Variants in LMNB2 observed in about 807,000 individuals in gnomAD.
LMNB2 encodes lamin-B2.
A neutral mutation model predicts 69.3 loss-of-function variants in LMNB2; 17 were observed. The observed-to-expected ratio is 0.25, with a 90% CI of 0.17 to 0.37. The LOEUF (loss-of-function observed/expected upper bound fraction) is 0.37, where lower values mean the gene tolerates loss of function less well. Among genes scored for constraint, LMNB2 ranks in the 10% least tolerant of loss-of-function variants. The pLI, the probability that LMNB2 is intolerant of heterozygous loss-of-function variation, is 1.00. For synonymous variants in LMNB2, 397 were observed against 389.3 expected (o/e 1.02, Z -0.23); for missense variants, 789 against 883.6 (o/e 0.89, Z 1.36).
chr19:2,449,508 G>T (rs1306877184), intron 1 of LMNB2, among the ~76,000 whole-genome samples: 3 of 152,216 alleles, frequency 2.0e-5, no homozygotes, highest in Non-Finnish European at 4.4e-5. Context: ...GGCCCGGTGC[G>T]CTGGTGCATG....
At chr19:2,449,653 T>G (rs1387604314) in intron 1 of LMNB2, among the ~76,000 whole-genome samples, 6 of 151,600 alleles carry the variant, frequency 4.0e-5, no homozygotes, top group Admixed American at 6.6e-5. Context: ...GGTAGGCGCC[T>G]GTAATCCCAG....
intron 4 of LMNB2, 40 bp downstream of exon 4, chr19:2,438,123 T>C: frequency 6.2e-7 from 1 of 1,611,686 alleles, no homozygotes; most frequent in Non-Finnish European, 8.5e-7. Flanking sequence ...GGACTTTGCG[T>C]TTCCGCTGTG....
intron 1 of LMNB2, among the ~76,000 whole-genome samples, chr19:2,451,173 C>T (rs1348349134): frequency 1.3e-5 from 2 of 151,990 alleles, no homozygotes; most frequent in Non-Finnish European, 2.9e-5. Context: ...CGCCTGAATC[C>T]GGGAGGCAGA....
At chr19:2,434,945 C>T (rs769490757) in intron 5 of LMNB2, 32 bp from the exon 6 acceptor site, 53 of 1,578,816 alleles carry the variant, frequency 3.4e-5, no homozygotes, top group Admixed American at 8.9e-5. Flanking sequence ...AGTGCGGGCG[C>T]GGGGCGGGGC....
rs1440520057 is a variant in LMNB2, at chr19:2,434,322, C to T, written c.1175G>A (p.Arg392Gln). 15 of 1,612,936 alleles carry T rather than the reference C, an allele frequency of 9.3e-6. No individual in the cohort carries two copies. Among genetic ancestry groups the T allele is most frequent in the Admixed American group, 1.7e-5 (1 of 59,996 alleles). The stretch of plus-strand genomic sequence containing the variant: ...CTCCTCCTCGCCCTCCAGGAGCTTC[C>T]GGTAGGCGTTGATCTCCATGTCCAG... ...LALDMEINAYRKLLEGEEERL... is the reference protein window; with the variant it reads ...LALDMEINAYQKLLEGEEERL... Residue 392 changes from arginine to glutamine, a missense_variant, in exon 7 of 12, where the codon CGG becomes CAG. By Grantham distance (43) the Arg-to-Gln change is conservative (BLOSUM62 1). This residue lies in a region of LMNB2 where 609 missense variants were observed against 630.9 expected (regional missense o/e 0.97). Transcript: ENST00000325327.
chr19:2,438,600 G>A lies in LMNB2; in HGVS notation c.402-69C>T, dbSNP rs920526855. 65 of 1,559,842 alleles carry A rather than the reference G, an allele frequency of 4.2e-5. No homozygotes were observed. The African/African-American group carries it at 8.3e-4, about 20-fold the overall frequency. On this transcript the variant is annotated intron_variant, in intron 2 of 11. Transcript: ENST00000325327. ...TGGGGCCACAGGGAGCACCTCAGGGGGCGTCAGGCAAGCCCAAAGACAAGG... is the reference window on the plus strand; with the variant it reads ...TGGGGCCACAGGGAGCACCTCAGGGAGCGTCAGGCAAGCCCAAAGACAAGG...
intron 8 of LMNB2, 58 bp from the exon 9 acceptor site, chr19:2,432,581 T>A: frequency 7.1e-7 from 1 of 1,416,306 alleles, no homozygotes; most frequent in Non-Finnish European, 1.0e-6. Flanking sequence ...ACCGCCCCCA[T>A]CGCCCTGGCT....
At chr19:2,439,527 AAGTGTCCCCAGGAATCACCC>A (rs1971869574) in intron 2 of LMNB2, among the ~76,000 whole-genome samples, 1 of 152,060 alleles carries the variant, frequency 6.6e-6, no homozygotes, top group African/African-American at 2.4e-5. Flanking sequence ...TGACAACCAC[AAGTGTCCCCAGGAATCACCC>A]AGTGTCCCCT....
At chr19:2,431,356 T>C (rs549650102) in intron 11 of LMNB2, among the ~76,000 whole-genome samples, 192 bp downstream of exon 11, 1 of 152,224 alleles carries the variant, frequency 6.6e-6, no homozygotes, top group East Asian at 1.9e-4. Context: ...ATTCACACGA[T>C]GGGCACGACC....
At chr19:2,437,799 C>CAAAAAAA (rs59867677) in intron 4 of LMNB2, among the ~76,000 whole-genome samples, 1 of 138,612 alleles carries the variant, frequency 7.2e-6, no homozygotes, top group Non-Finnish European at 1.5e-5. Flanking sequence ...AACTCCATCT[C>CAAAAAAA]AAAAAAAGAC....
At chr19:2,438,566 C>A in intron 2 of LMNB2, 35 bp from the exon 3 acceptor site, 1 of 1,600,980 alleles carries the variant, frequency 6.2e-7, no homozygotes, top group Admixed American at 1.7e-5. Flanking sequence ...TGGGGAGGGG[C>A]AAGGTCCATG....
intron 9 of LMNB2, 82 bp from the exon 10 acceptor site, chr19:2,431,984 G>C: frequency 2.0e-6 from 3 of 1,525,744 alleles, no homozygotes; most frequent in Non-Finnish European, 2.6e-6. Context: ...CTACCACAAA[G>C]CCCCCTTCAA....
At position 2,430,984 on chromosome 19, in the gene LMNB2, G is replaced by A. The variant is rs753578026; in HGVS notation, c.1822-32C>T. 38 of 1,556,112 alleles carry A rather than the reference G, an allele frequency of 2.4e-5. No homozygotes were observed. In the South Asian group the frequency reaches 4.1e-4, roughly 17 times the overall value. On this transcript the variant is annotated intron_variant, in intron 11 of 11. Transcript: ENST00000325327. ...GAAGGAAGGAAGGAAGGTCGGCCAT[G>A]ATCAGGGCCAGCCTGGAGGCAGCCG...
chr19:2,438,593 C>T (rs1316102793), intron 2 of LMNB2, 62 bp from the exon 3 acceptor site: 25 of 1,571,314 alleles, frequency 1.6e-5, no homozygotes, highest in Non-Finnish European at 2.1e-5. Context: ...CAGGGAGCAC[C>T]TCAGGGGGCG....
At chr19:2,452,905 C>T (rs879430553) in intron 1 of LMNB2, among the ~76,000 whole-genome samples, 16 of 148,306 alleles carry the variant, frequency 1.1e-4, no homozygotes, top group African/African-American at 1.7e-4. Context: ...GCGTCATCCT[C>T]GTGGGGGATG....
intron 4 of LMNB2, 110 bp downstream of exon 4, chr19:2,438,053 G>A (rs1397432045): frequency 1.4e-5 from 21 of 1,529,564 alleles, no homozygotes; most frequent in Middle Eastern, 1.9e-4. Flanking sequence ...CCCTAGAGCC[G>A]TGGGAGGGAC....
In LMNB2 at chr19:2,434,889, C is replaced by A; in HGVS notation, c.880G>T (p.Asp294Tyr). 1 of 1,606,114 alleles carries A rather than the reference C, an allele frequency of 6.2e-7. No homozygotes were observed. Among genetic ancestry groups the A allele is most frequent in the South Asian group, 1.1e-5 (1 of 90,930 alleles). ...AKLDSAKLSSDQNDKAASAAR... is the reference protein window; with the variant it reads ...AKLDSAKLSSYQNDKAASAAR... ...GCACTGGCCGCCTTGTCGTTCTGGT[C>A]AGAGCTCAGCTTGGCGCTGTCCAGC... Residue 294 changes from aspartate to tyrosine, a missense_variant, in exon 6 of 12, where the codon GAC becomes TAC. Physicochemically the swap from Asp to Tyr is radical, Grantham distance 160. Around this residue, in one of 3 missense-constraint regions of LMNB2, gnomAD observed 609 missense variants for 630.9 expected, o/e 0.97. Transcript: ENST00000325327.
In LMNB2 at chr19:2,456,859, C is replaced by A; in HGVS notation, c.75G>T (p.Leu25=). 1 of 1,205,314 alleles carries A rather than the reference C, an allele frequency of 8.3e-7. No individual in the cohort carries two copies. The highest frequency in any genetic ancestry group is 1.0e-6 in the Non-Finnish European group (1 of 969,350). 74.7% of individuals were successfully genotyped at this position (1,205,314 alleles called of 1,614,324 possible). ...TGGCGGGCCCGCCCGCGCGGCCGGG[C>A]AGCGGCGTGGCCATGGTGGCGGCGG... ...PRAAATMATP[L]PGRAGGPATP... The change falls in exon 1 of 12, where the codon CTG becomes CTT. Residue 25 remains leucine (L), a synonymous_variant. Transcript: ENST00000325327.
intron 1 of LMNB2, among the ~76,000 whole-genome samples, chr19:2,449,262 G>A (rs1017713692): frequency 6.6e-6 from 1 of 152,308 alleles, no homozygotes; most frequent in South Asian, 2.1e-4. Context: ...ATTCCACAGA[G>A]GAGCGGGCGG....
Sources: gnomAD v4.1 joint callset for allele counts (sites outside exome capture counted in the v4.1 genomes callset) on GRCh38, gnomAD v4.1.1 for gene constraint, gnomAD v4.1.1 regional missense constraint, MANE v1.5 for transcripts, NCBI Gene and HGNC (gene_info 2026-07-23, HGNC 2026-07-21) for gene names.